ZHX3: variants seen among roughly 807,000 people sequenced by gnomAD.
ZHX3 encodes zinc fingers and homeoboxes protein 3.
Under a neutral mutation model 64.5 loss-of-function variants are expected in ZHX3, and 20 were observed. The observed-to-expected ratio is 0.31, with a 90% CI of 0.22 to 0.45. The LOEUF is 0.45. Ranked by LOEUF, ZHX3 falls within the 20% of genes least tolerant of loss-of-function variation. The pLI is 1.00. For missense variants in ZHX3, 1,041 were observed against 1,195.8 expected (o/e 0.87, Z 1.91); for synonymous variants, 423 against 461.6 (o/e 0.92, Z 1.07).
chr20:41,250,435 G>T (rs1372896499), intron 2 of ZHX3, among the ~76,000 whole-genome samples: 1 of 152,150 alleles, frequency 6.6e-6, no homozygotes, highest in African/African-American at 2.4e-5. Context: ...TGTAATCCCA[G>T]TACTTTGGGA....
chr20:41,239,145 G>A (rs151044222), intron 2 of ZHX3, among the ~76,000 whole-genome samples: 12 of 151,286 alleles, frequency 7.9e-5, no homozygotes, highest in African/African-American at 2.4e-5. Context: ...TGGGGCTATA[G>A]GCGCCCACCA....
At chr20:41,309,403 C>A (rs891368415) in intron 1 of ZHX3, among the ~76,000 whole-genome samples, 1 of 152,214 alleles carries the variant, frequency 6.6e-6, no homozygotes, top group Non-Finnish European at 1.5e-5. Flanking sequence ...TACACATTCT[C>A]AGTCTCCTCC....
In ZHX3 at chr20:41,187,059, G is replaced by A. The variant is rs2036579973; in HGVS notation, c.2861-1858C>T. On this transcript the variant is annotated intron_variant, in intron 3 of 3. Coordinates refer to ENST00000683867, the MANE Select transcript of ZHX3 (RefSeq NM_001384317.1). Reference sequence around the variant, plus strand: ...ATTGCCTGGCCAGATGGGGTGGCTTGCACCTGTAATCTCAGCACTTTGGGA... The same window carrying A: ...ATTGCCTGGCCAGATGGGGTGGCTTACACCTGTAATCTCAGCACTTTGGGA... Among the ~76,000 whole-genome samples, 7 of 152,156 alleles carry A rather than the reference G, an allele frequency of 4.6e-5. No individual in the cohort carries two copies. In the South Asian group the frequency reaches 1.5e-3, roughly 32 times the overall value.
chr20:41,203,023 C>T lies in ZHX3; in HGVS notation c.1894G>A (p.Ala632Thr), dbSNP rs2038375916. 1.9e-6 allele frequency: 3 copies of T among 1,614,154 alleles called. No homozygotes were observed. The highest frequency in any genetic ancestry group is 2.2e-5 in the East Asian group (1 of 44,884). ...TCATCAAGAGGAAGAGGGTTTTGTG[C>T]AAAACTGCTCTCCAGGGCTCTGAGC... ...EQLRALESSF[A>T]QNPLPLDEEL... The change falls in exon 3 of 4, where the codon GCA becomes ACA. Residue 632 changes from alanine to threonine, a missense_variant. Coordinates refer to ENST00000683867, the MANE Select transcript of ZHX3 (RefSeq NM_001384317.1). The surrounding 1 kb of genome is among the most constrained non-coding windows in gnomAD (Gnocchi z 7.1).
chr20:41,208,695 A>C (rs1201207524), intron 2 of ZHX3, among the ~76,000 whole-genome samples: 4 of 152,172 alleles, frequency 2.6e-5, no homozygotes, highest in Admixed American at 6.5e-5. Flanking sequence ...CGTATCTCAA[A>C]ATAATAAGAG....
chr20:41,287,930 T>C (rs1003964627), intron 1 of ZHX3, among the ~76,000 whole-genome samples: 1 of 152,236 alleles, frequency 6.6e-6, no homozygotes, highest in Admixed American at 6.5e-5. Context: ...ATATAAAATA[T>C]CATGGGATGT....
chr20:41,265,264 A>T (rs1240646187), intron 2 of ZHX3, among the ~76,000 whole-genome samples: 1 of 149,748 alleles, frequency 6.7e-6, no homozygotes, highest in Non-Finnish European at 1.5e-5. Flanking sequence ...GTGCAATGAT[A>T]CAATCTTGGC....
chr20:41,290,968 C>T (rs1007308567), intron 1 of ZHX3, among the ~76,000 whole-genome samples: 2 of 152,206 alleles, frequency 1.3e-5, no homozygotes, highest in Admixed American at 6.5e-5. Context: ...TGCTTCCTCC[C>T]TGCCTACAAC....
At position 41,218,946 on chromosome 20, in the gene ZHX3, T is replaced by C. The variant is rs1018037840; in HGVS notation, c.-150-13880A>G. On this transcript the variant is annotated intron_variant, in intron 2 of 3. Transcript: ENST00000683867. ...CTGTTTTTTTTTTTTTTTTTTTTTT[T>C]TGAGACGGAGTCTCGCTCTGTCGCC... 4.7e-5 allele frequency among the ~76,000 whole-genome samples: 7 copies of C among 149,042 alleles called. No individual in the cohort carries two copies. In the East Asian group the frequency reaches 7.8e-4, roughly 17 times the overall value.
chr20:41,244,476 G>GC (rs1357664806), intron 2 of ZHX3, among the ~76,000 whole-genome samples: 1 of 152,162 alleles, frequency 6.6e-6, no homozygotes, highest in East Asian at 1.9e-4. Flanking sequence ...TTCAAGTCTA[G>GC]CCTAGGCAAT....
chr20:41,237,697 G>A (rs2041103123), intron 2 of ZHX3, among the ~76,000 whole-genome samples: 1 of 151,992 alleles, frequency 6.6e-6, no homozygotes, highest in Non-Finnish European at 1.5e-5. Flanking sequence ...ACACCAACAT[G>A]GCACATGTAT....
chr20:41,190,642 C>G (rs1275491650), intron 3 of ZHX3, among the ~76,000 whole-genome samples: 1 of 152,008 alleles, frequency 6.6e-6, no homozygotes, highest in East Asian at 1.9e-4. Flanking sequence ...GAGTTTTATA[C>G]TTTTGTGTGT....
At chr20:41,291,302 T>TG (rs2044225611) in intron 1 of ZHX3, among the ~76,000 whole-genome samples, 1 of 152,140 alleles carries the variant, frequency 6.6e-6, no homozygotes, top group Admixed American at 6.5e-5. Context: ...TAAAAATATG[T>TG]GGAAGTAGAT....
At chr20:41,298,147 C>A (rs2044631874) in intron 1 of ZHX3, among the ~76,000 whole-genome samples, 1 of 151,974 alleles carries the variant, frequency 6.6e-6, no homozygotes, top group Admixed American at 6.6e-5. Flanking sequence ...GAACTGTACA[C>A]AGAGCATTAC....
chr20:41,258,951 C>T (rs2042413786), intron 2 of ZHX3, among the ~76,000 whole-genome samples: 1 of 152,064 alleles, frequency 6.6e-6, no homozygotes, highest in Non-Finnish European at 1.5e-5. Flanking sequence ...ACAAGCAACT[C>T]TGATTACTTT....
In ZHX3 at chr20:41,180,360, C is replaced by T. The variant is rs1333083711; in HGVS notation, c.*4831G>A. 1 of 152,502 alleles carries T rather than the reference C, an allele frequency of 6.6e-6. No individual in the cohort carries two copies. Among genetic ancestry groups the T allele is most frequent in the Non-Finnish European group, 1.5e-5 (1 of 68,110 alleles). The allele number at this position is 152,502 out of a possible 1,614,324, so 9.4% of individuals were successfully genotyped here. On this transcript the variant is annotated 3_prime_UTR_variant, in exon 4 of 4. Transcript: ENST00000683867. ...CAGAAATTGAGGAAGGGGGTGCTTTCCCCTGTCCTTGTCCATATGGTAACC... is the reference window on the plus strand; with the variant it reads ...CAGAAATTGAGGAAGGGGGTGCTTTTCCCTGTCCTTGTCCATATGGTAACC...
At chr20:41,216,158 C>T (rs1463286535) in intron 2 of ZHX3, among the ~76,000 whole-genome samples, 1 of 152,176 alleles carries the variant, frequency 6.6e-6, no homozygotes, top group African/African-American at 2.4e-5. Context: ...CCATGAAACA[C>T]ATTTAAAAGT....
chr20:41,307,497 C>T (rs938819898), intron 1 of ZHX3, among the ~76,000 whole-genome samples: 3 of 152,208 alleles, frequency 2.0e-5, no homozygotes, highest in Non-Finnish European at 2.9e-5. Context: ...CAGATCTCTA[C>T]TATGATCCCA....
rs1443339244 is a variant in ZHX3 at position 41,317,660 on chromosome 20, A to AC, written c.-397dup. ...AGCCGCGGACTGCTGAGCGGCGGGG[A>AC]CGCAGCTGCACCAACCGACTCCGGG... is the stretch of plus-strand genomic sequence containing the variant. On this transcript the variant is annotated 5_prime_UTR_variant, in exon 1 of 4. Transcript: ENST00000683867. 6.7e-6 allele frequency: 1 copy of AC among 149,898 alleles called. No individual in the cohort carries two copies. The highest frequency in any genetic ancestry group is 1.5e-5 in the Non-Finnish European group (1 of 67,208). The allele number at this position is 149,898 out of a possible 1,614,324, so 9.3% of individuals were successfully genotyped here. A position where few individuals can be genotyped will look rare whatever the true frequency, so the allele number is the denominator to read the frequency against.
Sources: gnomAD v4.1 joint callset for allele counts (sites outside exome capture counted in the v4.1 genomes callset) on GRCh38, gnomAD v4.1.1 for gene constraint, Gnocchi (gnomAD v3.1) non-coding constraint, MANE v1.5 for transcripts, NCBI Gene and HGNC (gene_info 2026-07-23, HGNC 2026-07-21) for gene names.